The following CCSER1 variants were observed in gnomAD, a reference collection of about 807,000 sequenced individuals.
The protein encoded by CCSER1 is coiled-coil serine rich protein 1.
In CCSER1, 41 loss-of-function variants were observed where a neutral mutation model predicts 82.0. The observed-to-expected ratio is 0.50, with a 90% confidence interval of 0.39 to 0.65. The LOEUF is 0.65. Ranked by LOEUF, CCSER1 falls within the 30% of genes least tolerant of loss-of-function variation. CCSER1 has a pLI of 0.00. For missense variants in CCSER1, 1,119 were observed against 1,064.2 expected (o/e 1.05, Z -0.72); for synonymous variants, 414 against 383.9 (o/e 1.08, Z -0.92).
chr4:91,519,591 T>A (rs1485843773), intron 10 of CCSER1, among the ~76,000 whole-genome samples: 1 of 152,216 alleles, frequency 6.6e-6, no homozygotes, highest in African/African-American at 2.4e-5. Flanking sequence ...TAGCTCTGCA[T>A]GTCAGTCTGA....
chr4:90,605,847 T>TAA lies in CCSER1; in HGVS notation c.1725-22177_1725-22176insAA, dbSNP rs201994330. ...TTTCAAAATGTTAAGACAATAAAAA[T>TAA]ATTTGAGTTCAACAATGTATTCTTA... On this transcript the variant is annotated intron_variant, in intron 5 of 10. Transcript: ENST00000509176. Among the ~76,000 whole-genome samples, 22 of 152,266 alleles carry TAA rather than the reference T, an allele frequency of 1.4e-4. No individual in the cohort carries two copies. The East Asian group carries it at 4.2e-3, about 29-fold the overall frequency.
intron 10 of CCSER1, among the ~76,000 whole-genome samples, chr4:91,159,568 T>C (rs888912896): frequency 4.6e-5 from 7 of 151,966 alleles, no homozygotes; most frequent in African/African-American, 1.7e-4. Context: ...GAAGCATTTT[T>C]GTCCTTTAAG....
intron 5 of CCSER1, among the ~76,000 whole-genome samples, chr4:90,610,252 CAAATAAATAAAT>C (rs201777020): frequency 0.01 from 1,378 of 136,002 alleles, 25 homozygotes; most frequent in African/African-American, 0.028. Context: ...GACTCCATCT[CAAATAAATAAAT>C]AAATAAATAA....
At chr4:91,027,909 C>T (rs906820562) in intron 9 of CCSER1, among the ~76,000 whole-genome samples, 2 of 151,882 alleles carry the variant, frequency 1.3e-5, no homozygotes, top group African/African-American at 2.4e-5. Context: ...ACATTCTGTC[C>T]GTTATAACTC....
At chr4:91,448,801 T>C (rs1319391096) in intron 10 of CCSER1, among the ~76,000 whole-genome samples, 1 of 152,068 alleles carries the variant, frequency 6.6e-6, no homozygotes, top group Non-Finnish European at 1.5e-5. Context: ...GAACTGGTAA[T>C]ACAACAGGGG....
chr4:90,340,849 C>T (rs1483389086), intron 3 of CCSER1, among the ~76,000 whole-genome samples: 2 of 152,026 alleles, frequency 1.3e-5, no homozygotes, highest in South Asian at 4.1e-4. Context: ...AGCCCAGTGG[C>T]ATTTGTCAAA....
At chr4:90,312,311 G>C (rs1735427802) in intron 2 of CCSER1, among the ~76,000 whole-genome samples, 1 of 152,120 alleles carries the variant, frequency 6.6e-6, no homozygotes, top group East Asian at 1.9e-4. Context: ...TGCTCCTCCT[G>C]TCCCTGGTTT....
intron 7 of CCSER1, among the ~76,000 whole-genome samples, chr4:90,806,986 A>G (rs1163786219): frequency 6.6e-6 from 1 of 152,044 alleles, no homozygotes; most frequent in Admixed American, 6.6e-5. Context: ...AATAAAATTA[A>G]CTTTTCTTAA....
At chr4:90,965,206 A>G (rs1027477296) in intron 9 of CCSER1, among the ~76,000 whole-genome samples, 7 of 152,146 alleles carry the variant, frequency 4.6e-5, no homozygotes, top group Non-Finnish European at 7.3e-5. Flanking sequence ...AGGCAGTGAT[A>G]CAAGTTGGGG....
At chr4:91,287,721 T>C (rs1057477611) in intron 10 of CCSER1, among the ~76,000 whole-genome samples, 1 of 151,920 alleles carries the variant, frequency 6.6e-6, no homozygotes, top group African/African-American at 2.4e-5. Flanking sequence ...AAGGTAGGCT[T>C]CAGTCAGAGA....
intron 9 of CCSER1, among the ~76,000 whole-genome samples, chr4:91,046,180 T>C (rs1398231165): frequency 2.7e-5 from 4 of 149,648 alleles, no homozygotes; most frequent in Non-Finnish European, 4.5e-5. Context: ...TGCAAATGGA[T>C]GAGAAGTCTA....
At chr4:91,205,219 T>A (rs1255057839) in intron 10 of CCSER1, among the ~76,000 whole-genome samples, 1 of 151,774 alleles carries the variant, frequency 6.6e-6, no homozygotes, top group Non-Finnish European at 1.5e-5. Context: ...CAATATTAAA[T>A]CAATATCAAA....
At chr4:91,592,064 T>C (rs936971629) in intron 10 of CCSER1, among the ~76,000 whole-genome samples, 4 of 152,166 alleles carry the variant, frequency 2.6e-5, no homozygotes, top group East Asian at 1.9e-4. Context: ...GTATTCAGCA[T>C]TGAACAAGAC....
At chr4:90,282,680 A>T (rs1257452982) in intron 1 of CCSER1, among the ~76,000 whole-genome samples, 3 of 151,946 alleles carry the variant, frequency 2.0e-5, no homozygotes, top group Non-Finnish European at 4.4e-5. Context: ...TTGGTTACAA[A>T]TCACTGAATA....
At chr4:91,481,182 T>C (rs1469095186) in intron 10 of CCSER1, among the ~76,000 whole-genome samples, 1 of 151,714 alleles carries the variant, frequency 6.6e-6, no homozygotes, top group African/African-American at 2.4e-5. Context: ...AGAAATGATA[T>C]GCTGTATTAG....
At chr4:91,150,734 G>T (rs923725715) in intron 10 of CCSER1, among the ~76,000 whole-genome samples, 12 of 151,388 alleles carry the variant, frequency 7.9e-5, no homozygotes, top group African/African-American at 2.9e-4. Context: ...GCATCATGTG[G>T]TTTTTGTCTT....
At chr4:90,241,472 G>T (rs926090932) in intron 1 of CCSER1, among the ~76,000 whole-genome samples, 10 of 152,198 alleles carry the variant, frequency 6.6e-5, no homozygotes, top group Middle Eastern at 6.8e-3. Flanking sequence ...CAATATTTAT[G>T]TCTATTGTTG....
intron 9 of CCSER1, among the ~76,000 whole-genome samples, chr4:91,058,691 A>C (rs1000011227): frequency 7.2e-5 from 11 of 152,052 alleles, no homozygotes; most frequent in African/African-American, 2.2e-4. Flanking sequence ...CCTTTCTGGA[A>C]CCCTCCTTGA....
At chr4:90,808,506 A>ATATC (rs2149728875) in intron 7 of CCSER1, among the ~76,000 whole-genome samples, 1 of 152,316 alleles carries the variant, frequency 6.6e-6, no homozygotes, top group African/African-American at 2.4e-5. Context: ...CAAAGAACTA[A>ATATC]TATCCAGAAT....
Sources: allele counts gnomAD v4.1 joint callset (sites outside exome capture counted in the v4.1 genomes callset), GRCh38; gene constraint gnomAD v4.1.1; transcripts MANE v1.5; gene names NCBI Gene and HGNC (gene_info 2026-07-23, HGNC 2026-07-21).